The following OTC variants were observed in gnomAD, a reference collection of about 807,000 sequenced individuals.
OTC encodes ornithine transcarbamylase.
Under a neutral mutation model 30.3 loss-of-function variants are expected in OTC, and 3 were observed. That is an observed-to-expected ratio of 0.10 (90% CI 0.05 to 0.26). The LOEUF (loss-of-function observed/expected upper bound fraction) is 0.26. Ranked by LOEUF, OTC falls within the 10% of genes least tolerant of loss-of-function variation. The probability of loss-of-function intolerance (pLI) is 1.00; values close to 1 mark genes in which losing one functional copy is unlikely to be tolerated. For missense variants in OTC, 194 were observed against 260.3 expected, an observed-to-expected ratio of 0.75 and a Z score of 1.75; for synonymous variants, 111 against 99.7, an observed-to-expected ratio of 1.11 and a Z score of -0.67.
intron 1 of OTC, among the ~76,000 whole-genome samples, chrX:38,354,225 G>A (rs2068230180): frequency 8.9e-6 from 1 of 112,112 alleles, no homozygotes; most frequent in Admixed American, 9.5e-5. Flanking sequence ...CTTCACTCCA[G>A]CTACATGAAT....
At chrX:38,409,143 C>A in intron 8 of OTC, 118 bp downstream of exon 8, 1 of 765,462 alleles carries the variant, frequency 1.3e-6, no homozygotes, top group African/African-American at 2.1e-5. Context: ...TAAAAGGACT[C>A]ACTGACTGTA....
chrX:38,401,175 C>G (rs928860938), intron 4 of OTC, 100 bp from the exon 5 acceptor site: 1 of 653,244 alleles, frequency 1.5e-6, no homozygotes, highest in South Asian at 2.4e-5. Flanking sequence ...AGTAAAAATT[C>G]TATTTATTAG....
the OTC span, among the ~76,000 whole-genome samples, chrX:38,333,838 G>C: frequency 8.9e-6 from 1 of 112,394 alleles, no homozygotes; most frequent in South Asian, 3.6e-4. Flanking sequence ...TACAAACTCC[G>C]CTGGGAAATC....
At chrX:38,376,238 G>A (rs1036317723) in intron 3 of OTC, among the ~76,000 whole-genome samples, 6 of 111,439 alleles carry the variant, frequency 5.4e-5, no homozygotes, top group African/African-American at 2.0e-4. Context: ...TGCTGCAAAG[G>A]GGAGCAAACA....
chrX:38,329,209 A>T, the OTC span, among the ~76,000 whole-genome samples: 1 of 111,668 alleles, frequency 9.0e-6, no homozygotes, highest in African/African-American at 3.3e-5. Context: ...GGCACCATTT[A>T]CTGAGATGGG....
At chrX:38,388,135 C>T (rs2068413066) in intron 4 of OTC, among the ~76,000 whole-genome samples, 9 of 111,587 alleles carry the variant, frequency 8.1e-5, no homozygotes, top group Admixed American at 6.7e-4. Flanking sequence ...TTTCTTTTAC[C>T]TAGATGTACT....
At chrX:38,403,442 T>G (rs946432126) in intron 5 of OTC, among the ~76,000 whole-genome samples, 176 bp from the exon 6 acceptor site, 3 of 75,822 alleles carry the variant, frequency 4.0e-5, no homozygotes, top group African/African-American at 7.4e-5. Context: ...ACCACGTTTT[T>G]GGGATTGTAC....
chrX:38,421,111 A>G lies in OTC; in HGVS notation c.*29A>G. 2.8e-6 allele frequency: 3 copies of G among 1,060,037 alleles called. No homozygotes were observed. The highest frequency in any genetic ancestry group is 4.0e-6 in the Non-Finnish European group (3 of 757,410). The allele number at this position is 1,060,037 out of a possible 1,213,427, so 87.4% of individuals were successfully genotyped here. On this transcript the variant is annotated 3_prime_UTR_variant, in exon 10 of 10. Transcript: ENST00000039007. ...TGTGTTACTTGTCAAGAAAGAAGCAATGTTCTTCAGTAACAGAATGAGTTG... is the reference window on the plus strand; with the variant it reads ...TGTGTTACTTGTCAAGAAAGAAGCAGTGTTCTTCAGTAACAGAATGAGTTG...
At chrX:38,343,603 T>G in the OTC span, among the ~76,000 whole-genome samples, 2 of 112,124 alleles carry the variant, frequency 1.8e-5, no homozygotes, top group African/African-American at 6.5e-5. Flanking sequence ...GTGCAGAAAT[T>G]TACCAGATCA....
upstream of OTC, among the ~76,000 whole-genome samples, chrX:38,348,770 A>G (rs1057210711): frequency 8.1e-5 from 9 of 110,572 alleles, no homozygotes; most frequent in African/African-American, 3.0e-4. Context: ...ATCTCCTAAG[A>G]ACTATTTTTA....
intron 6 of OTC, among the ~76,000 whole-genome samples, chrX:38,404,196 T>C (rs1212638573): frequency 8.9e-6 from 1 of 112,311 alleles, no homozygotes; most frequent in Non-Finnish European, 1.9e-5. Context: ...CTACACCAGC[T>C]TAGTATTTCA....
intron 9 of OTC, among the ~76,000 whole-genome samples, chrX:38,414,690 C>G (rs1284753602): frequency 8.9e-6 from 1 of 112,017 alleles, no homozygotes; most frequent in Non-Finnish European, 1.9e-5. Context: ...GATCCCTAAT[C>G]TCATCAACAG....
chrX:38,346,979 A>G, the OTC span, among the ~76,000 whole-genome samples: 1 of 112,557 alleles, frequency 8.9e-6, no homozygotes, highest in South Asian at 3.6e-4. Context: ...AAAACATATC[A>G]AGTACATTCA....
the OTC span, among the ~76,000 whole-genome samples, chrX:38,337,064 T>C: frequency 4.5e-5 from 5 of 111,650 alleles, no homozygotes; most frequent in Non-Finnish European, 7.5e-5. Flanking sequence ...GATCTTTGTA[T>C]GAGAGAGCAG....
chrX:38,344,660 C>T, the OTC span, among the ~76,000 whole-genome samples: 7 of 110,929 alleles, frequency 6.3e-5, no homozygotes, highest in African/African-American at 2.3e-4. Flanking sequence ...TCTTTGTTAC[C>T]CTGGGTTATG....
chrX:38,408,935 A>G lies in OTC; in HGVS notation c.777A>G (p.Val259=), dbSNP rs1231550367. The G allele has an allele frequency of 1.7e-6, 2 of 1,203,622 alleles. No homozygotes were observed. Among genetic ancestry groups the G allele is most frequent in the Non-Finnish European group, 2.2e-6 (2 of 891,018 alleles). The change falls in exon 8 of 10, where the codon GTA becomes GTG. Residue 259 remains valine, a synonymous_variant. Transcript: ENST00000039007. ...DPLEAAHGGN[V]LITDTWISMG... Reference sequence around the variant, plus strand: ...TGGAAGCAGCGCATGGAGGCAATGTATTAATTACAGACACTTGGATAAGCA... The same window carrying G: ...TGGAAGCAGCGCATGGAGGCAATGTGTTAATTACAGACACTTGGATAAGCA...
At chrX:38,338,863 G>A in the OTC span, among the ~76,000 whole-genome samples, 1 of 111,814 alleles carries the variant, frequency 8.9e-6, no homozygotes, top group African/African-American at 3.3e-5. Flanking sequence ...TGCTAGCCAC[G>A]GGACACAGTC....
At chrX:38,410,017 G>A (rs1244846067) in intron 8 of OTC, among the ~76,000 whole-genome samples, 1 of 110,618 alleles carries the variant, frequency 9.0e-6, no homozygotes, top group Non-Finnish European at 1.9e-5. Flanking sequence ...TGATTTTTTT[G>A]TAAATGATAT....
chrX:38,396,007 T>C (rs1029638578), intron 4 of OTC: 10 of 109,899 alleles, frequency 9.1e-5, no homozygotes, highest in African/African-American at 3.3e-4. Flanking sequence ...GTTTTGCTCT[T>C]GTTGCCCAAG....
Sources: gnomAD v4.1 joint callset for allele counts (sites outside exome capture counted in the v4.1 genomes callset) on GRCh38, gnomAD v4.1.1 for gene constraint, MANE v1.5 for transcripts, NCBI Gene and HGNC (gene_info 2026-07-23, HGNC 2026-07-21) for gene names.